PHC3: variants seen among roughly 807,000 people sequenced by gnomAD.
PHC3 encodes the protein polyhomeotic-like protein 3.
PHC3 carries 13 observed loss-of-function variants against 107.4 expected under a neutral mutation model. The ratio of observed to expected loss-of-function variants is 0.12; its 90% CI spans 0.08 to 0.19. PHC3 has a LOEUF of 0.19. Among genes scored for constraint, PHC3 ranks in the 10% least tolerant of loss-of-function variants. The pLI is 1.00. For missense variants in PHC3, 992 were observed against 1,210.9 expected, an observed-to-expected ratio of 0.82 and a Z score of 2.68; for synonymous variants, 456 against 427.4, an observed-to-expected ratio of 1.07 and a Z score of -0.83.
chr3:170,139,822 T>C (rs1723742456), intron 6 of PHC3, among the ~76,000 whole-genome samples: 1 of 152,204 alleles, frequency 6.6e-6, no homozygotes, highest in Non-Finnish European at 1.5e-5. Flanking sequence ...CGGATTTCCT[T>C]GACAGAGCCT....
Position 170,128,924 on chromosome 3 carries a change from C to A in PHC3, c.1548G>T (p.Gln516His), listed in dbSNP as rs1320452751. ...SSPIPIASPP[Q>H]MSTSPPAQIP... ...TCTGAGCTGGAGGAGATGTCGACAT[C>A]TGTGGAGGACTTGCAATTGGGATTG... The change falls in exon 8 of 15, where the codon CAG becomes CAT. Residue 516 changes from glutamine to histidine, a missense_variant. Physicochemically the swap from Gln to His is conservative, Grantham distance 24. Around this residue, in one of 6 missense-constraint regions of PHC3, gnomAD observed 543 missense variants for 590.8 expected, o/e 0.92. Transcript: ENST00000495893. 1 of 1,614,028 alleles carries A rather than the reference C, an allele frequency of 6.2e-7. No individual in the cohort carries two copies. Among genetic ancestry groups the A allele is most frequent in the Non-Finnish European group, 8.5e-7 (1 of 1,179,886 alleles).
At chr3:170,138,689 C>CAAA (rs11284597) in intron 6 of PHC3, among the ~76,000 whole-genome samples, 7 of 81,300 alleles carry the variant, frequency 8.6e-5, no homozygotes, top group African/African-American at 2.7e-4. Flanking sequence ...GACTCTGTCT[C>CAAA]AAAAAAAAAA....
intron 14 of PHC3, among the ~76,000 whole-genome samples, chr3:170,100,655 T>G (rs1715325024): frequency 6.6e-6 from 1 of 152,158 alleles, no homozygotes; most frequent in African/African-American, 2.4e-5. Flanking sequence ...GACAAGCATT[T>G]TAAGTTATGA....
chr3:170,105,999 G>A (rs530316828), intron 12 of PHC3, among the ~76,000 whole-genome samples: 1 of 152,278 alleles, frequency 6.6e-6, no homozygotes, highest in East Asian at 1.9e-4. Context: ...ATCACCTGAG[G>A]TCAGGAGTTT....
At chr3:170,172,857 T>C in intron 2 of PHC3, 145 bp from the exon 3 acceptor site, 4 of 921,366 alleles carry the variant, frequency 4.3e-6, no homozygotes, top group Non-Finnish European at 6.4e-6. Context: ...ATTTCTTTCC[T>C]AGTTACATAT....
At position 170,139,564 on chromosome 3, in the gene PHC3, G is replaced by C. The variant is rs933486505; in HGVS notation, c.673-2899C>G. On this transcript the variant is annotated intron_variant, in intron 6 of 14. Coordinates refer to ENST00000495893, the MANE Select transcript of PHC3 (RefSeq NM_024947.4). ...AACCTGCAGCATATCCATTTCTATA[G>C]AATAATACTCCTTTTGTTTTTAATT... 3.3e-5 allele frequency among the ~76,000 whole-genome samples: 5 copies of C among 152,244 alleles called. No individual in the cohort carries two copies. In the East Asian group the frequency reaches 9.6e-4, roughly 29 times the overall value.
At chr3:170,105,954 G>A (rs1455168464) in intron 12 of PHC3, among the ~76,000 whole-genome samples, 3 of 152,168 alleles carry the variant, frequency 2.0e-5, no homozygotes, top group Non-Finnish European at 4.4e-5. Context: ...GCTCACACAC[G>A]TAATCCCAGC....
At chr3:170,173,730 T>C (rs1043121853) in intron 2 of PHC3, among the ~76,000 whole-genome samples, 1 of 152,150 alleles carries the variant, frequency 6.6e-6, no homozygotes, top group Non-Finnish European at 1.5e-5. Context: ...AAATAGTATA[T>C]AGAGTAAGAT....
rs750325707 is a variant in PHC3 at position 170,129,185 on chromosome 3, T to C, written c.1287A>G (p.Gln429=). Reference sequence around the variant, plus strand: ...CAAGAGGGTGTGGCTGAATAAGTGCTTGTGGATGAATAATTATAGTAGGAG... The same window carrying C: ...CAAGAGGGTGTGGCTGAATAAGTGCCTGTGGATGAATAATTATAGTAGGAG... ...SQSPTIIIHP[Q]ALIQPHPLVS... is the part of the protein sequence containing the mutation. Residue 429 remains glutamine, a synonymous_variant, in exon 8 of 15, where the codon CAA becomes CAG. Coordinates refer to ENST00000495893, the MANE Select transcript of PHC3 (RefSeq NM_024947.4). 4.3e-6 allele frequency: 7 copies of C among 1,613,818 alleles called. No homozygotes were observed. The Admixed American group carries it at 1.0e-4, about 23-fold the overall frequency.
chr3:170,154,189 G>A (rs1577189809), intron 4 of PHC3, among the ~76,000 whole-genome samples: 8 of 152,066 alleles, frequency 5.3e-5, no homozygotes, highest in Admixed American at 3.3e-4. Context: ...CAGTATCTAC[G>A]AAAGGTCTTC....
chr3:170,119,652 C>T (rs536985363), intron 9 of PHC3, among the ~76,000 whole-genome samples: 17 of 152,050 alleles, frequency 1.1e-4, no homozygotes, highest in Non-Finnish European at 2.2e-4. Context: ...TAAAATTTTG[C>T]CACAAATCTG....
chr3:170,140,396 G>A (rs1723850171), intron 6 of PHC3, among the ~76,000 whole-genome samples: 1 of 149,672 alleles, frequency 6.7e-6, no homozygotes, highest in African/African-American at 2.5e-5. Context: ...TAGGACTACA[G>A]GCTTGTGCCA....
intron 9 of PHC3, among the ~76,000 whole-genome samples, chr3:170,120,342 T>C (rs1214824111): frequency 6.6e-6 from 1 of 152,102 alleles, no homozygotes; most frequent in African/African-American, 2.4e-5. Flanking sequence ...TCCCAGCATT[T>C]TGGGAGGCCG....
chr3:170,134,429 A>G (rs1209906679), intron 7 of PHC3, among the ~76,000 whole-genome samples: 1 of 152,124 alleles, frequency 6.6e-6, no homozygotes, highest in Non-Finnish European at 1.5e-5. Context: ...ACCTGAGGTG[A>G]TCTGCCCTCC....
chr3:170,136,683 G>C lies in PHC3; in HGVS notation c.673-18C>G, dbSNP rs747126353. The C allele has an allele frequency of 1.9e-6, 3 of 1,609,442 alleles. No homozygotes were observed. Among genetic ancestry groups the C allele is most frequent in the South Asian group, 2.2e-5 (2 of 90,266 alleles). ...TTCTGAACCTAAGAACCACATAACA[G>C]AAAATTAGGATGAAAACAGATGGTT... On this transcript the variant is annotated intron_variant, in intron 6 of 14. Coordinates refer to ENST00000495893, the MANE Select transcript of PHC3 (RefSeq NM_024947.4).
chr3:170,172,929 C>T (rs571191819), intron 2 of PHC3, among the ~76,000 whole-genome samples: 82 of 152,040 alleles, frequency 5.4e-4, no homozygotes, highest in Non-Finnish European at 7.6e-4. Flanking sequence ...CGGTGGCTCA[C>T]GCCTGTTAAT....
At chr3:170,155,942 T>C (rs892666915) in intron 4 of PHC3, among the ~76,000 whole-genome samples, 4 of 152,176 alleles carry the variant, frequency 2.6e-5, no homozygotes, top group Admixed American at 1.3e-4. Flanking sequence ...TCTATGTAGA[T>C]ATTAATTTTA....
At chr3:170,156,885 G>A (rs748176367) in intron 4 of PHC3, among the ~76,000 whole-genome samples, 3 of 152,216 alleles carry the variant, frequency 2.0e-5, no homozygotes, top group African/African-American at 4.8e-5. Context: ...GTGAGCCACC[G>A]TACCCTGCTG....
At chr3:170,137,692 A>T (rs998184912) in intron 6 of PHC3, among the ~76,000 whole-genome samples, 3 of 152,226 alleles carry the variant, frequency 2.0e-5, no homozygotes, top group Admixed American at 6.5e-5. Flanking sequence ...TGAGGTAAGG[A>T]ATTCAAGACC....
Sources: gnomAD v4.1 joint callset for allele counts (sites outside exome capture counted in the v4.1 genomes callset) on GRCh38, gnomAD v4.1.1 for gene constraint, gnomAD v4.1.1 regional missense constraint, MANE v1.5 for transcripts, NCBI Gene and HGNC (gene_info 2026-07-23, HGNC 2026-07-21) for gene names.